Variants in P4HA2 observed in about 807,000 individuals in gnomAD.
P4HA2 encodes the protein prolyl 4-hydroxylase subunit alpha-2.
Under a neutral mutation model 76.9 loss-of-function variants are expected in P4HA2, and 46 were observed. The ratio of observed to expected loss-of-function variants is 0.60; its 90% CI spans 0.47 to 0.76. The LOEUF (loss-of-function observed/expected upper bound fraction) is 0.76, where lower values mean the gene tolerates loss of function less well. Ranked by LOEUF, P4HA2 falls within the 30% of genes least tolerant of loss-of-function variation. P4HA2 has a pLI of 0.00. For synonymous variants in P4HA2, 243 were observed against 254.0 expected, an observed-to-expected ratio of 0.96 and a Z score of 0.41; for missense variants, 583 against 669.4, an observed-to-expected ratio of 0.87 and a Z score of 1.42.
At chr5:132,198,475 G>C in intron 11 of P4HA2, 95 bp from the exon 12 acceptor site, 1 of 1,148,532 alleles carries the variant, frequency 8.7e-7, no homozygotes, top group Non-Finnish European at 1.3e-6. Flanking sequence ...AGTAATAAGT[G>C]TGTGTTCCAT....
At chr5:132,193,887 G>A (rs1229709945) in intron 14 of P4HA2, among the ~76,000 whole-genome samples, 1 of 152,070 alleles carries the variant, frequency 6.6e-6, no homozygotes, top group African/African-American at 2.4e-5. Context: ...GTAATAACAT[G>A]TACTTCATTG....
intron 1 of P4HA2, among the ~76,000 whole-genome samples, chr5:132,222,937 T>G (rs1205927455): frequency 6.6e-6 from 1 of 152,204 alleles, no homozygotes; most frequent in Non-Finnish European, 1.5e-5. Context: ...GCAGTCTGGA[T>G]GAGACTAACC....
chr5:132,220,619 T>C (rs1438495507), intron 1 of P4HA2, among the ~76,000 whole-genome samples: 1 of 152,232 alleles, frequency 6.6e-6, no homozygotes, highest in Non-Finnish European at 1.5e-5. Flanking sequence ...TCATCTACGG[T>C]TCATACCTCA....
chr5:132,223,884 T>C (rs1042658226), intron 1 of P4HA2, among the ~76,000 whole-genome samples: 14 of 152,222 alleles, frequency 9.2e-5, no homozygotes, highest in Non-Finnish European at 2.1e-4. Flanking sequence ...CTGCTAGATA[T>C]TGCAGCTATC....
Position 132,207,759 on chromosome 5 carries a change from A to C in P4HA2, c.1029T>G (p.Asp343Glu). Reference protein sequence around the residue: ...WDSPHIVRYYDVMSDEEIERI... With the variant: ...WDSPHIVRYYEVMSDEEIERI... ...TCTCGATTTCCTCATCAGACATGAC[A>C]TCGTAGTACCTGACGATGTGCGGGC... Residue 343 changes from aspartate to glutamate, a missense_variant, in exon 8 of 15, where the codon GAT (aspartate) becomes GAG (glutamate). By Grantham distance (45) the Asp-to-Glu change is conservative. Coordinates refer to ENST00000360568, the MANE Select transcript of P4HA2 (RefSeq NM_001017974.2). 6.2e-7 allele frequency: 1 copy of C among 1,613,980 alleles called. No individual in the cohort carries two copies. Among genetic ancestry groups the C allele is most frequent in the Non-Finnish European group, 8.5e-7 (1 of 1,179,932 alleles).
At chr5:132,194,622 T>C (rs1378235363) in intron 14 of P4HA2, among the ~76,000 whole-genome samples, 1 of 152,212 alleles carries the variant, frequency 6.6e-6, no homozygotes, top group African/African-American at 2.4e-5. Flanking sequence ...CTTCCAGCTC[T>C]CCACTCTGCT....
intron 1 of P4HA2, among the ~76,000 whole-genome samples, chr5:132,222,921 G>T (rs1053227338): frequency 6.6e-6 from 1 of 152,232 alleles, no homozygotes; most frequent in African/African-American, 2.4e-5. Flanking sequence ...TCTTGGCAGA[G>T]ACTTGGCAGT....
chr5:132,218,812 T>C (rs1456535737), intron 1 of P4HA2, 168 bp from the exon 2 acceptor site: 2 of 551,566 alleles, frequency 3.6e-6, no homozygotes, highest in East Asian at 6.4e-5. Context: ...ACAAAGAGCG[T>C]GCAGCCAGTG....
intron 1 of P4HA2, among the ~76,000 whole-genome samples, chr5:132,224,582 C>A (rs952324967): frequency 6.6e-6 from 1 of 152,168 alleles, no homozygotes; most frequent in African/African-American, 2.4e-5. Flanking sequence ...AGGAGCACCA[C>A]AAGAAATGAA....
rs1034933086 is a variant in P4HA2 at position 132,192,341 on chromosome 5, A to G, written c.*669T>C. 2 of 152,374 alleles carry G rather than the reference A, an allele frequency of 1.3e-5. No individual in the cohort carries two copies. Among genetic ancestry groups the G allele is most frequent in the African/African-American group, 2.4e-5 (1 of 41,588 alleles). The allele number at this position is 152,374 out of a possible 1,614,324, so 9.4% of individuals were successfully genotyped here. ...TTCTTATCTCAAAATTTAAAAATGA[A>G]GTACACATTATAACAGCATTACAAT... is the stretch of plus-strand genomic sequence containing the variant. On this transcript the variant is annotated 3_prime_UTR_variant, in exon 15 of 15. Coordinates refer to ENST00000360568, the MANE Select transcript of P4HA2 (RefSeq NM_001017974.2).
Position 132,198,794 on chromosome 5 carries a change from G to C in P4HA2, c.1305+85C>G, listed in dbSNP as rs984206507. 4.3e-6 allele frequency: 4 copies of C among 933,616 alleles called. No individual in the cohort carries two copies. The African/African-American group carries it at 6.4e-5, about 15-fold the overall frequency. The allele number at this position is 933,616 out of a possible 1,614,324, so 57.8% of individuals were successfully genotyped here. A position where few individuals can be genotyped will look rare whatever the true frequency, so the allele number is the denominator to read the frequency against. ...GACAAGGGGTGGGGGTACTGATGTGGAGGCTGAAATGCTCCTAGAAGCTCC... is the reference window on the plus strand; with the variant it reads ...GACAAGGGGTGGGGGTACTGATGTGCAGGCTGAAATGCTCCTAGAAGCTCC... On this transcript the variant is annotated intron_variant, in intron 11 of 14. Transcript: ENST00000360568.
intron 14 of P4HA2, among the ~76,000 whole-genome samples, chr5:132,194,055 C>A (rs1750238333): frequency 6.6e-6 from 1 of 152,130 alleles, no homozygotes; most frequent in Non-Finnish European, 1.5e-5. Context: ...GCTTATAGTT[C>A]TATTCCTTGA....
chr5:132,219,309 C>T (rs1032503848), intron 1 of P4HA2, among the ~76,000 whole-genome samples: 2 of 152,204 alleles, frequency 1.3e-5, no homozygotes, highest in Non-Finnish European at 2.9e-5. Context: ...ACACTGTTCT[C>T]ACTGGCCCGT....
At chr5:132,215,170 C>T (rs980986979) in intron 4 of P4HA2, among the ~76,000 whole-genome samples, 1 of 152,206 alleles carries the variant, frequency 6.6e-6, no homozygotes, top group Non-Finnish European at 1.5e-5. Context: ...GTCAGGGACT[C>T]TAAAGAGTTT....
At position 132,204,143 on chromosome 5, in the gene P4HA2, C is replaced by T; in HGVS notation, c.1090G>A (p.Ala364Thr). 6.2e-7 allele frequency: 1 copy of T among 1,612,634 alleles called. No individual in the cohort carries two copies. Reference sequence around the variant, plus strand: ...CCTGTCTTGGGATCACGAACGGTGGCTCGTGCAAGCTAGAAGGAAGGAGGA... The same window carrying T: ...CCTGTCTTGGGATCACGAACGGTGGTTCGTGCAAGCTAGAAGGAAGGAGGA... ...KEIAKPKLAR[A>T]TVRDPKTGVL... The change falls in exon 9 of 15, where the codon GCC becomes ACC. Residue 364 changes from alanine (A) to threonine (T), a missense_variant. By Grantham distance (58) the Ala-to-Thr change is moderately conservative. Transcript: ENST00000360568.
At chr5:132,217,153 A>G in intron 4 of P4HA2, 44 bp downstream of exon 4, 1 of 1,590,846 alleles carries the variant, frequency 6.3e-7, no homozygotes, top group Non-Finnish European at 8.6e-7. Flanking sequence ...GCATGAGCAC[A>G]CAAACATATG....
At chr5:132,216,112 C>T (rs141899494) in intron 4 of P4HA2, among the ~76,000 whole-genome samples, 2 of 141,402 alleles carry the variant, frequency 1.4e-5, no homozygotes, top group Non-Finnish European at 3.0e-5. Flanking sequence ...TGCAGTGAGC[C>T]GAGATCCCGC....
chr5:132,210,167 G>C, intron 6 of P4HA2, 117 bp downstream of exon 6: 1 of 1,169,090 alleles, frequency 8.6e-7, no homozygotes, highest in Non-Finnish European at 1.3e-6. Flanking sequence ...TTAGTCACTG[G>C]CCAAGTGACA....
chr5:132,215,760 C>A (rs552259436), intron 4 of P4HA2, among the ~76,000 whole-genome samples: 1 of 149,794 alleles, frequency 6.7e-6, no homozygotes, highest in South Asian at 2.1e-4. Flanking sequence ...CACGTGAGGC[C>A]AGGAGTCCAA....
Sources: allele counts gnomAD v4.1 joint callset (sites outside exome capture counted in the v4.1 genomes callset), GRCh38; gene constraint gnomAD v4.1.1; transcripts MANE v1.5; gene names NCBI Gene and HGNC (gene_info 2026-07-23, HGNC 2026-07-21).